Variants in MVB12A observed in about 807,000 individuals in gnomAD.
MVB12A encodes CIN85/CD2AP family binding protein.
Under a neutral mutation model 34.3 loss-of-function variants are expected in MVB12A, and 30 were observed. The ratio of observed to expected loss-of-function variants is 0.88; its 90% CI spans 0.65 to 1.19. MVB12A has a LOEUF of 1.19. Ranked by LOEUF, MVB12A falls within the 50% of genes most tolerant of loss-of-function variation. The pLI is 0.00. For synonymous variants in MVB12A, 158 were observed against 158.9 expected (o/e 0.99, Z 0.04); for missense variants, 355 against 369.2 (o/e 0.96, Z 0.31).
chr19:17,420,015 G>GCTGGGGCC, upstream of MVB12A: 4 of 221,200 alleles, frequency 1.8e-5, no homozygotes, highest in Admixed American at 9.0e-5. Context: ...GGCAATCTCC[G>GCTGGGGCC]CCCCCCCCCC....
upstream of MVB12A, chr19:17,418,907 G>GAAAAAAAA (rs2074818733): frequency 1.9e-5 from 1 of 53,066 alleles, no homozygotes. Flanking sequence ...AAAAAAAAAG[G>GAAAAAAAA]CACAGCTGCT....
At position 17,420,856 on chromosome 19, in the gene MVB12A, TAA is replaced by T. The variant is rs957491040; in HGVS notation, c.286+223_286+224del. The stretch of plus-strand genomic sequence containing the variant: ...ATTGGCACAGCCTGCATCCTCGAGT[TAA>T]GTGTTCAGTCCACGCCACCTGTTTC... On this transcript the variant is annotated intron_variant, in intron 3 of 8. Coordinates refer to ENST00000317040, the MANE Select transcript of MVB12A (RefSeq NM_138401.4). The T allele has an allele frequency of 1.7e-5, 11 of 658,014 alleles. 1 individual carries two copies. Among genetic ancestry groups the T allele is most frequent in the African/African-American group, 3.6e-5 (2 of 56,136 alleles). The allele number at this position is 658,014 out of a possible 1,614,324, so 40.8% of individuals were successfully genotyped here.
At chr19:17,417,062 G>T, upstream of MVB12A, 1 of 416,076 alleles carries the variant, frequency 2.4e-6, no homozygotes, top group East Asian at 6.4e-5. Flanking sequence ...TTTTTTCCAG[G>T]CAACTTTAGC....
chr19:17,424,734 G>T, intron 8 of MVB12A, 57 bp downstream of exon 8: 3 of 1,544,884 alleles, frequency 1.9e-6, no homozygotes, highest in Non-Finnish European at 2.6e-6. Flanking sequence ...GTGCCTGAGG[G>T]GCCGGCACCC....
At chr19:17,410,533 C>CAT (rs1209476314) in intron 2 of MVB12A, among the ~76,000 whole-genome samples, 2 of 59,892 alleles carry the variant, frequency 3.3e-5, no homozygotes, top group African/African-American at 1.7e-4. Flanking sequence ...TATATATACA[C>CAT]ACACACATAT....
intron 2 of MVB12A, among the ~76,000 whole-genome samples, chr19:17,409,200 G>T (rs184777804): frequency 2.2e-4 from 31 of 141,686 alleles, no homozygotes; most frequent in Admixed American, 2.9e-4. Context: ...GTGTAATCTC[G>T]GCTCACTGCA....
intron 2 of MVB12A, among the ~76,000 whole-genome samples, chr19:17,408,254 T>C (rs963845761): frequency 2.6e-5 from 4 of 151,928 alleles, no homozygotes; most frequent in Non-Finnish European, 5.9e-5. Context: ...CAATTACAAA[T>C]GGTGGGATGG....
chr19:17,420,102 C>A lies in MVB12A; in HGVS notation c.-34C>A. The A allele has an allele frequency of 1.5e-6, 2 of 1,305,812 alleles. No homozygotes were observed. The highest frequency in any genetic ancestry group is 1.9e-6 in the Non-Finnish European group (2 of 1,032,872). The allele number at this position is 1,305,812 out of a possible 1,614,324, so 80.9% of individuals were successfully genotyped here. On this transcript the variant is annotated 5_prime_UTR_variant, in exon 1 of 9. Coordinates refer to ENST00000317040, the MANE Select transcript of MVB12A (RefSeq NM_138401.4). Reference sequence around the variant, plus strand: ...GGCGCTCCGAGGTTCGAGGCTGTGCCCCGCGACCCCGCCTTCGGCGCTCGG... The same window carrying A: ...GGCGCTCCGAGGTTCGAGGCTGTGCACCGCGACCCCGCCTTCGGCGCTCGG...
upstream of MVB12A, among the ~76,000 whole-genome samples, chr19:17,418,493 A>T (rs2145758865): frequency 6.6e-6 from 1 of 151,296 alleles, no homozygotes; most frequent in African/African-American, 2.4e-5. Context: ...CCCGGGTTCC[A>T]GTGATTCTCC....
intron 4 of MVB12A, 80 bp from the exon 5 acceptor site, chr19:17,423,418 C>G: frequency 6.6e-7 from 1 of 1,510,338 alleles, no homozygotes; most frequent in Non-Finnish European, 8.9e-7. Flanking sequence ...ATGCCCGGGT[C>G]CCCCGCCTTC....
intron 2 of MVB12A, among the ~76,000 whole-genome samples, chr19:17,412,566 CA>C (rs968245005): frequency 1.3e-5 from 2 of 152,208 alleles, no homozygotes; most frequent in African/African-American, 2.4e-5. Context: ...TGCCCCCAGC[CA>C]ACCTCTGCTT....
intron 2 of MVB12A, among the ~76,000 whole-genome samples, chr19:17,411,025 G>C (rs1168184997): frequency 6.7e-6 from 1 of 150,254 alleles, no homozygotes; most frequent in African/African-American, 2.4e-5. Context: ...CTGGAGTGCA[G>C]TGGCGCGATC....
intron 4 of MVB12A, 111 bp from the exon 5 acceptor site, chr19:17,423,387 C>T: frequency 7.4e-7 from 1 of 1,347,266 alleles, no homozygotes; most frequent in Non-Finnish European, 1.0e-6. Context: ...AAAATTCCCC[C>T]AAAAGACAGA....
chr19:17,419,955 C>T (rs1478343559), upstream of MVB12A: 3 of 408,136 alleles, frequency 7.4e-6, no homozygotes, highest in Non-Finnish European at 1.3e-5. Context: ...GCTCCGCCTC[C>T]CCACGCCATT....
intron 7 of MVB12A, 84 bp from the exon 8 acceptor site, chr19:17,424,537 G>T: frequency 7.3e-7 from 1 of 1,373,564 alleles, no homozygotes; most frequent in Non-Finnish European, 1.0e-6. Context: ...GAGTGTTGGG[G>T]GGAGGGCAGG....
chr19:17,423,462 G>A lies in MVB12A; in HGVS notation c.414-36G>A, dbSNP rs548330613. ...CTATCCTCAACCCTGGCCCCACACC[G>A]GGCCAGCATCCCTCCCACCTTCCCT... On this transcript the variant is annotated intron_variant, in intron 4 of 8. Transcript: ENST00000317040. 3.6e-5 allele frequency: 58 copies of A among 1,603,190 alleles called. 1 individual carries two copies. The South Asian group carries it at 4.5e-4, about 13-fold the overall frequency.
intron 7 of MVB12A, 145 bp downstream of exon 7, chr19:17,424,212 G>C: frequency 1.3e-6 from 1 of 761,058 alleles, no homozygotes; most frequent in Non-Finnish European, 2.2e-6. Context: ...GCAGCTGGAA[G>C]GTCTTCAGTC....
chr19:17,410,609 T>TATATATACACACAC (rs1568387545), intron 2 of MVB12A, among the ~76,000 whole-genome samples: 1 of 141,952 alleles, frequency 7.0e-6, no homozygotes, highest in African/African-American at 2.6e-5. Context: ...TATATACACA[T>TATATATACACACAC]ATATATATAT....
At chr19:17,419,258 C>A (rs962305599), upstream of MVB12A, 1 of 152,070 alleles carries the variant, frequency 6.6e-6, no homozygotes, top group Non-Finnish European at 1.5e-5. Context: ...GGAGAAGGGG[C>A]AGTTAGAGTG....
Sources: gnomAD v4.1 joint callset for allele counts (sites outside exome capture counted in the v4.1 genomes callset) on GRCh38, gnomAD v4.1.1 for gene constraint, MANE v1.5 for transcripts, NCBI Gene and HGNC (gene_info 2026-07-23, HGNC 2026-07-21) for gene names.